The following GALNT13 variants were observed in gnomAD, a reference collection of about 807,000 sequenced individuals.
GALNT13 encodes polypeptide N-acetylgalactosaminyltransferase 13, also known as UDP-GalNAc:polypeptide N-acetylgalactosaminyltransferase 13.
GALNT13 carries 28 observed loss-of-function variants against 64.2 expected under a neutral mutation model. The ratio of observed to expected loss-of-function variants is 0.44; its 90% CI spans 0.32 to 0.60. GALNT13 has a LOEUF of 0.60. GALNT13 is among the 20% of genes least tolerant of loss of function. The probability of loss-of-function intolerance (pLI) is 0.05; values close to 1 mark genes in which losing one functional copy is unlikely to be tolerated. For synonymous variants in GALNT13, 214 were observed against 224.6 expected (o/e 0.95, Z 0.42); for missense variants, 577 against 669.8 (o/e 0.86, Z 1.53).
the GALNT13 span, among the ~76,000 whole-genome samples, chr2:153,254,596 G>C: frequency 3.9e-5 from 6 of 151,976 alleles, no homozygotes; most frequent in South Asian, 6.2e-4. Context: ...GCTTTCTCTT[G>C]TGGGCATTTA....
At chr2:154,183,419 A>T (rs1248083372) in intron 4 of GALNT13, among the ~76,000 whole-genome samples, 1 of 152,164 alleles carries the variant, frequency 6.6e-6, no homozygotes, top group Non-Finnish European at 1.5e-5. Context: ...TAGTCTATCT[A>T]AAAGGTTGCA....
intron 9 of GALNT13, among the ~76,000 whole-genome samples, chr2:154,310,411 A>G (rs945088144): frequency 6.6e-6 from 1 of 152,152 alleles, no homozygotes; most frequent in Non-Finnish European, 1.5e-5. Flanking sequence ...TTTCTTATGC[A>G]TTTACATACA....
chr2:153,399,417 A>G, the GALNT13 span, among the ~76,000 whole-genome samples: 1 of 152,048 alleles, frequency 6.6e-6, no homozygotes, highest in African/African-American at 2.4e-5. Flanking sequence ...GCTCTTTTTT[A>G]GTTCCATATG....
At chr2:154,374,655 G>C (rs770291914) in intron 9 of GALNT13, among the ~76,000 whole-genome samples, 1 of 152,148 alleles carries the variant, frequency 6.6e-6, no homozygotes, top group African/African-American at 2.4e-5. Flanking sequence ...CATTAGTTAT[G>C]ACTTGTAAAC....
intron 4 of GALNT13, among the ~76,000 whole-genome samples, chr2:154,162,682 A>G (rs1475615012): frequency 2.0e-5 from 3 of 152,208 alleles, no homozygotes; most frequent in Admixed American, 1.3e-4. Flanking sequence ...AGATAAAGAG[A>G]CAGAGTTAAA....
chr2:153,377,925 G>A, the GALNT13 span, among the ~76,000 whole-genome samples: 1 of 152,138 alleles, frequency 6.6e-6, no homozygotes, highest in Non-Finnish European at 1.5e-5. Flanking sequence ...AATTAAATAT[G>A]TAAGTTCAAT....
chr2:153,234,996 T>G, the GALNT13 span, among the ~76,000 whole-genome samples: 1 of 152,196 alleles, frequency 6.6e-6, no homozygotes, highest in Non-Finnish European at 1.5e-5. Flanking sequence ...TTGTTAGTAT[T>G]ATATCTGCTA....
the GALNT13 span, among the ~76,000 whole-genome samples, chr2:153,836,973 T>C: frequency 2.6e-5 from 4 of 151,890 alleles, no homozygotes; most frequent in African/African-American, 9.7e-5. Flanking sequence ...AACATACATG[T>C]GCATGTGTCT....
At chr2:153,075,534 T>A in the GALNT13 span, among the ~76,000 whole-genome samples, 1 of 152,230 alleles carries the variant, frequency 6.6e-6, no homozygotes, top group Non-Finnish European at 1.5e-5. Context: ...GTCCTGAAAG[T>A]AAATCTCCCT....
At chr2:154,176,420 T>A (rs975872036) in intron 4 of GALNT13, among the ~76,000 whole-genome samples, 30 of 151,668 alleles carry the variant, frequency 2.0e-4, no homozygotes, top group African/African-American at 6.5e-4. Flanking sequence ...GCCTGGCTAA[T>A]TTTTTGTATT....
the GALNT13 span, among the ~76,000 whole-genome samples, chr2:153,476,477 T>C: frequency 6.6e-6 from 1 of 152,248 alleles, no homozygotes; most frequent in African/African-American, 2.4e-5. Context: ...GTCAAGTTTA[T>C]GCTCGAAGCT....
chr2:154,111,765 GA>G (rs1373559346), intron 3 of GALNT13, among the ~76,000 whole-genome samples: 5 of 152,226 alleles, frequency 3.3e-5, no homozygotes, highest in Non-Finnish European at 7.4e-5. Flanking sequence ...GCCTTCTGGA[GA>G]ACTTTGCCTC....
the GALNT13 span, among the ~76,000 whole-genome samples, chr2:153,389,171 G>T: frequency 1.3e-5 from 2 of 152,038 alleles, no homozygotes; most frequent in Non-Finnish European, 2.9e-5. Flanking sequence ...AACTGACTGA[G>T]GCTGTGTCTT....
the GALNT13 span, among the ~76,000 whole-genome samples, chr2:153,774,674 G>A: frequency 6.6e-6 from 1 of 152,078 alleles, no homozygotes; most frequent in Non-Finnish European, 1.5e-5. Flanking sequence ...GGCAGGAGGA[G>A]TGTTTGAGTC....
the GALNT13 span, among the ~76,000 whole-genome samples, chr2:153,323,282 C>G: frequency 1.3e-5 from 2 of 152,074 alleles, no homozygotes; most frequent in African/African-American, 4.8e-5. Context: ...TTTTTGGCCT[C>G]ATAAATGTCT....
chr2:153,361,084 G>C, the GALNT13 span, among the ~76,000 whole-genome samples: 1 of 152,098 alleles, frequency 6.6e-6, no homozygotes, highest in African/African-American at 2.4e-5. Context: ...GATTGAAGCA[G>C]ATGAATAGGG....
At chr2:154,066,457 A>AC (rs1700466408) in intron 3 of GALNT13, among the ~76,000 whole-genome samples, 1 of 151,812 alleles carries the variant, frequency 6.6e-6, no homozygotes, top group South Asian at 2.1e-4. Context: ...AAGGTGAAAG[A>AC]TAAAAAAAAG....
intron 2 of GALNT13, among the ~76,000 whole-genome samples, chr2:153,911,595 G>A (rs182894627): frequency 4.4e-4 from 67 of 152,086 alleles, no homozygotes; most frequent in African/African-American, 1.5e-3. Flanking sequence ...TCTTATAAGC[G>A]AGTTTGGTGG....
At chr2:153,126,784 T>A in the GALNT13 span, among the ~76,000 whole-genome samples, 4 of 152,234 alleles carry the variant, frequency 2.6e-5, no homozygotes, top group Admixed American at 2.6e-4. Context: ...GGAAATTCAC[T>A]TTTTCCATTT....
Sources: gnomAD v4.1 joint callset for allele counts (sites outside exome capture counted in the v4.1 genomes callset) on GRCh38, gnomAD v4.1.1 for gene constraint, MANE v1.5 for transcripts, NCBI Gene and HGNC (gene_info 2026-07-23, HGNC 2026-07-21) for gene names.